TNK2: variants seen among roughly 807,000 people sequenced by gnomAD.
TNK2 encodes the protein activated CDC42 kinase 1.
Under a neutral mutation model 101.8 loss-of-function variants are expected in TNK2, and 83 were observed. That is an observed-to-expected ratio of 0.82 (90% CI 0.68 to 0.98). TNK2 has a LOEUF of 0.98. Ranked by LOEUF, TNK2 falls within the 50% of genes least tolerant of loss-of-function variation. The pLI is 0.00. For missense variants in TNK2, 1,665 were observed against 1,483.2 expected (o/e 1.12, Z -2.01); for synonymous variants, 804 against 633.0 (o/e 1.27, Z -4.06).
intron 15 of TNK2, 127 bp downstream of exon 15, chr3:195,866,762 G>T: frequency 7.3e-7 from 1 of 1,368,206 alleles, no homozygotes; most frequent in South Asian, 1.5e-5. Flanking sequence ...CCTCCCTCCC[G>T]CAGCTGGAGA....
chr3:195,894,070 G>A (rs557065516), intron 1 of TNK2, among the ~76,000 whole-genome samples: 63 of 152,294 alleles, frequency 4.1e-4, no homozygotes, highest in East Asian at 7.7e-4. Context: ...TCAGGCCTGC[G>A]TTACACTGGA....
At chr3:195,890,142 G>A (rs981899637) in intron 1 of TNK2, among the ~76,000 whole-genome samples, 27 of 152,254 alleles carry the variant, frequency 1.8e-4, no homozygotes, top group Non-Finnish European at 2.8e-4. Context: ...CCACCTCGGC[G>A]ACCGGGCCAG....
At position 195,888,612 on chromosome 3, in the gene TNK2, G is replaced by C. The variant is rs113106902; in HGVS notation, c.-18-6C>G. ...ATTCTGCCGCCTCCCAGCCTCTGTG[G>C]GGGGAGGAGTGGCTCAGGGACAAGG... On this transcript the variant is annotated splice_region_variant and splice_polypyrimidine_tract_variant and intron_variant, in intron 1 of 15. Transcript: ENST00000672887. This position sits in a 1 kb window ranked among gnomAD's most constrained non-coding sequence, Gnocchi z 5.3. The C allele has an allele frequency of 4.4e-6, 7 of 1,604,548 alleles. No individual in the cohort carries two copies. The highest frequency in any genetic ancestry group is 4.0e-5 in the African/African-American group (3 of 74,692).
intron 6 of TNK2, among the ~76,000 whole-genome samples, chr3:195,879,745 G>A (rs1751344894): frequency 1.3e-5 from 2 of 152,274 alleles, no homozygotes; most frequent in Non-Finnish European, 2.9e-5. Flanking sequence ...GGTGCAGAGA[G>A]GAGGGTGGTG....
In TNK2 at chr3:195,878,919, A is replaced by AGTGGGGGGAGGCACGGGGC; in HGVS notation, c.1014+111_1014+129dup. The AGTGGGGGGAGGCACGGGGC allele has an allele frequency of 7.1e-7, 1 of 1,403,040 alleles. No individual in the cohort carries two copies. The highest frequency in any genetic ancestry group is 9.7e-7 in the Non-Finnish European group (1 of 1,029,660). 86.9% of individuals were successfully genotyped at this position (1,403,040 alleles called of 1,614,324 possible). On this transcript the variant is annotated intron_variant, in intron 7 of 15. Transcript: ENST00000672887. This position sits in a 1 kb window ranked among gnomAD's most constrained non-coding sequence, Gnocchi z 4.7. ...ACGGGGCGTGGTGGGAGGCACGGGAAGTGGGGGGAGGCACGGGGCGTGGGA... is the reference window on the plus strand; with the variant it reads ...ACGGGGCGTGGTGGGAGGCACGGGAAGTGGGGGGAGGCACGGGGCGTGGGGGGAGGCACGGGGCGTGGGA...
At chr3:195,900,547 A>G (rs935887094) in intron 1 of TNK2, among the ~76,000 whole-genome samples, 1 of 152,178 alleles carries the variant, frequency 6.6e-6, no homozygotes, top group Non-Finnish European at 1.5e-5. Flanking sequence ...CGGAGTGTCA[A>G]CGCCGACACA....
chr3:195,877,121 C>G (rs998154549), intron 9 of TNK2, among the ~76,000 whole-genome samples: 15 of 152,160 alleles, frequency 9.9e-5, no homozygotes, highest in Non-Finnish European at 8.8e-5. Flanking sequence ...CGGAGCGCCA[C>G]GCTTGCAATC....
chr3:195,895,752 G>C (rs1022456966), intron 1 of TNK2: 37 of 331,096 alleles, frequency 1.1e-4, no homozygotes, highest in Non-Finnish European at 1.6e-4. Flanking sequence ...CACGGTAAGG[G>C]GCCATCCGAG....
rs1412715211 is a variant in TNK2 at position 195,868,258 on chromosome 3, C to G, written c.2040G>C (p.Gln680His). The G allele has an allele frequency of 7.5e-6, 12 of 1,604,734 alleles. No individual in the cohort carries two copies. The highest frequency in any genetic ancestry group is 1.3e-5 in the African/African-American group (1 of 74,852). ...VGAGVPAGPS[Q>H]GQTNYAFVPE... Reference sequence around the variant, plus strand: ...GCACAAAGGCGTAGTTGGTCTGGCCCTGGCTGGGCCCGGCAGGGACCCCCG... The same window carrying G: ...GCACAAAGGCGTAGTTGGTCTGGCCGTGGCTGGGCCCGGCAGGGACCCCCG... Residue 680 changes from glutamine (Q) to histidine (H), a missense_variant, in exon 13 of 16, where the codon CAG (glutamine) becomes CAC (histidine). By Grantham distance (24) the Gln-to-His change is conservative. Transcript: ENST00000672887.
chr3:195,895,373 G>A (rs1293973062), intron 1 of TNK2: 5 of 1,554,162 alleles, frequency 3.2e-6, no homozygotes, highest in Middle Eastern at 3.4e-4. Context: ...AGCGGCACCG[G>A]CAGCGTCACT....
At position 195,867,487 on chromosome 3, in the gene TNK2, G is replaced by A; in HGVS notation, c.2811C>T (p.Asn937=). ...MPQAALDPKA[N]FSTNNSNPGA... ...CTGGGTTGCTGTTGTTGGTGGAGAA[G>A]TTGGCCTTGGGGTCCAAGGCAGCCT... The change falls in exon 13 of 16, where the codon AAC becomes AAT. Residue 937 remains asparagine, a synonymous_variant. Transcript: ENST00000672887. 1.9e-6 allele frequency: 3 copies of A among 1,575,206 alleles called. No homozygotes were observed. Among genetic ancestry groups the A allele is most frequent in the African/African-American group, 2.7e-5 (2 of 74,144 alleles).
intron 9 of TNK2, chr3:195,872,671 C>T: frequency 1.7e-6 from 1 of 579,328 alleles, no homozygotes; most frequent in South Asian, 2.2e-5. Context: ...CACGGCCTTA[C>T]CCACAACTCT....
At chr3:195,898,517 C>T (rs1471807645) in intron 1 of TNK2, among the ~76,000 whole-genome samples, 1 of 152,224 alleles carries the variant, frequency 6.6e-6, no homozygotes, top group Non-Finnish European at 1.5e-5. Context: ...CTCTGGGCTG[C>T]ACTCCTCACC....
intron 11 of TNK2, 87 bp from the exon 12 acceptor site, chr3:195,869,628 T>G (rs942407869): frequency 1.5e-6 from 2 of 1,330,406 alleles, no homozygotes; most frequent in African/African-American, 3.2e-5. Flanking sequence ...GAGGGCAGAG[T>G]GTAGAGAGAC....
chr3:195,883,381 C>T (rs1004184332), intron 4 of TNK2, 72 bp from the exon 5 acceptor site: 3 of 1,574,148 alleles, frequency 1.9e-6, no homozygotes, highest in East Asian at 4.5e-5. Context: ...CCTGCTCCAC[C>T]CTCCAACTCG....
intron 1 of TNK2, among the ~76,000 whole-genome samples, chr3:195,901,928 A>G (rs1361186520): frequency 6.6e-6 from 1 of 152,206 alleles, no homozygotes; most frequent in Non-Finnish European, 1.5e-5. Flanking sequence ...CATGTCATTC[A>G]CTGACGCTGA....
chr3:195,878,193 TC>T lies in TNK2; in HGVS notation c.1256+59del. The T allele has an allele frequency of 1.3e-6, 2 of 1,557,286 alleles. No individual in the cohort carries two copies. The highest frequency in any genetic ancestry group is 1.8e-6 in the Non-Finnish European group (2 of 1,128,984). On this transcript the variant is annotated intron_variant, in intron 9 of 15. Transcript: ENST00000672887. The surrounding 1 kb of genome is among the most constrained non-coding windows in gnomAD (Gnocchi z 4.7). ...GAGGCCAAACAGATCTGTCCACAGG[TC>T]CCTCCGACCTGTGCCCTTCAAGCGA... is the stretch of plus-strand genomic sequence containing the variant.
rs559403333 is a variant in TNK2, at chr3:195,875,964, G to C, written c.1256+2289C>G. 2.0e-5 allele frequency among the ~76,000 whole-genome samples: 3 copies of C among 152,268 alleles called. No individual in the cohort carries two copies. The East Asian group carries it at 5.8e-4, about 29-fold the overall frequency. On this transcript the variant is annotated intron_variant, in intron 9 of 15. Transcript: ENST00000672887. ...GTCCAGAAATGGCTCAACTAATGCC[G>C]GACATTCTGTTCAAAACGCCCGCCC... is the stretch of plus-strand genomic sequence containing the variant.
At chr3:195,897,827 C>T (rs867120467) in intron 1 of TNK2, among the ~76,000 whole-genome samples, 1 of 113,766 alleles carries the variant, frequency 8.8e-6, no homozygotes, top group African/African-American at 3.2e-5. Context: ...CACCCCCCCC[C>T]CACCCCCCGC....
Sources: gnomAD v4.1 joint callset for allele counts (sites outside exome capture counted in the v4.1 genomes callset) on GRCh38, gnomAD v4.1.1 for gene constraint, Gnocchi (gnomAD v3.1) non-coding constraint, MANE v1.5 for transcripts, NCBI Gene and HGNC (gene_info 2026-07-23, HGNC 2026-07-21) for gene names.